Variants in ATP10B observed in about 807,000 individuals in gnomAD.
The protein encoded by ATP10B is phospholipid-transporting ATPase VB.
In ATP10B, 122 loss-of-function variants were observed where a neutral mutation model predicts 141.2. That is an observed-to-expected ratio of 0.86 (90% CI 0.75 to 1.00). ATP10B has a LOEUF of 1.00. Among genes scored for constraint, ATP10B ranks in the 50% least tolerant of loss-of-function variants. ATP10B has a pLI of 0.00. For missense variants in ATP10B, 1,876 were observed against 1,825.3 expected, an observed-to-expected ratio of 1.03 and a Z score of -0.51; for synonymous variants, 685 against 692.0, an observed-to-expected ratio of 0.99 and a Z score of 0.16.
chr5:160,649,181 TA>T lies in ATP10B; in HGVS notation c.750del (p.Phe250LeufsTer48). 6.2e-7 allele frequency: 1 copy of T among 1,612,910 alleles called. No individual in the cohort carries two copies. Among genetic ancestry groups the T allele is most frequent in the African/African-American group, 1.3e-5 (1 of 74,990 alleles). On this transcript the variant is annotated frameshift_variant, in exon 8 of 26. Coordinates refer to ENST00000327245, the MANE Select transcript of ATP10B (RefSeq NM_025153.3). LOFTEE classifies it high-confidence loss of function. ...ACATGAGATACTTACATATAACCCTTAAATTTGTTGAGGTGGTTGTTGGGTT... is the reference window on the plus strand; with the variant it reads ...ACATGAGATACTTACATATAACCCTTAATTTGTTGAGGTGGTTGTTGGGTT... ...CEKPNNHLNK[F>X]KGYMEHPDQT... is the part of the protein sequence containing the mutation.
chr5:160,684,823 T>A (rs1561750407), intron 6 of ATP10B: 1 of 674,750 alleles, frequency 1.5e-6, no homozygotes, highest in Non-Finnish European at 2.7e-6. Flanking sequence ...TCCCCAGAGT[T>A]TTTTGCTTTA....
chr5:160,881,433 C>A, the ATP10B span, among the ~76,000 whole-genome samples: 1 of 152,162 alleles, frequency 6.6e-6, no homozygotes, highest in Non-Finnish European at 1.5e-5. Flanking sequence ...AACAATTGTG[C>A]TTCTTGGTAT....
At position 160,620,571 on chromosome 5, in the gene ATP10B, G is replaced by T. The variant is rs1758270948; in HGVS notation, c.2192C>A (p.Ala731Asp). Residue 731 changes from alanine (A) to aspartate (D), a missense_variant, in exon 15 of 26, where the codon GCC becomes GAC. Ala to Asp is a moderately radical substitution (Grantham distance 126, BLOSUM62 -2). Coordinates refer to ENST00000327245, the MANE Select transcript of ATP10B (RefSeq NM_025153.3). The part of the protein sequence containing the change: ...SPDEAALVHA[A>D]HAYSFTLVSR... ...CACTAGTGTGAAGCTGTAGGCATGG[G>T]CAGCGTGCACCAGGGCGGCCTCATC... is the stretch of plus-strand genomic sequence containing the variant. 2 of 1,613,814 alleles carry T rather than the reference G, an allele frequency of 1.2e-6. No individual in the cohort carries two copies. Among genetic ancestry groups the T allele is most frequent in the South Asian group, 2.2e-5 (2 of 91,084 alleles).
intron 1 of ATP10B, among the ~76,000 whole-genome samples, chr5:160,822,737 T>C (rs999508816): frequency 6.6e-6 from 1 of 151,824 alleles, no homozygotes; most frequent in African/African-American, 2.4e-5. Context: ...AAAGTCCTTA[T>C]GTTAAGTGAA....
the ATP10B span, among the ~76,000 whole-genome samples, chr5:160,867,802 TG>T: frequency 6.6e-6 from 1 of 152,126 alleles, no homozygotes; most frequent in Non-Finnish European, 1.5e-5. Flanking sequence ...AATCATTGAT[TG>T]GAAACTGTTA....
chr5:160,737,934 T>G (rs1767231716), intron 2 of ATP10B, among the ~76,000 whole-genome samples: 1 of 152,116 alleles, frequency 6.6e-6, no homozygotes, highest in Non-Finnish European at 1.5e-5. Context: ...TGTAGAAGAT[T>G]TGAACGTTAC....
chr5:160,829,311 C>G (rs1024362827), intron 1 of ATP10B, among the ~76,000 whole-genome samples: 1 of 152,014 alleles, frequency 6.6e-6, no homozygotes, highest in East Asian at 1.9e-4. Flanking sequence ...TTTGATGGAG[C>G]TACATGTCTG....
intron 3 of ATP10B, among the ~76,000 whole-genome samples, chr5:160,694,842 A>G (rs1764272711): frequency 6.6e-6 from 1 of 152,242 alleles, no homozygotes; most frequent in South Asian, 2.1e-4. Flanking sequence ...GTTTAGAAAT[A>G]AATATATATT....
chr5:160,819,336 C>T (rs1250629342), intron 1 of ATP10B, among the ~76,000 whole-genome samples: 1 of 152,044 alleles, frequency 6.6e-6, no homozygotes, highest in Non-Finnish European at 1.5e-5. Flanking sequence ...CAAAAATATT[C>T]TTCAAGCATG....
Position 160,725,578 on chromosome 5 carries a change from TG to T in ATP10B, c.-330-8545del. ...CTCCTGCCTCAGCCTCGCAAGTAGC[TG>T]GGACTACAGGCGCCCGCCATCACAC... is the stretch of plus-strand genomic sequence containing the variant. On this transcript the variant is annotated intron_variant, in intron 2 of 25. Coordinates refer to ENST00000327245, the MANE Select transcript of ATP10B (RefSeq NM_025153.3). Among the ~76,000 whole-genome samples the T allele has an allele frequency of 2.0e-5, 3 of 152,246 alleles. No individual in the cohort carries two copies. In the Middle Eastern group the frequency reaches 0.01, roughly 518 times the overall value.
rs1443344832 is a variant in ATP10B at position 160,684,840 on chromosome 5, G to A, written c.470+1239C>T. ...CCCAGAGTTTTTTGCTTTACCTGCT[G>A]TAGATGAGGCACTCTCGGTTATTGA... On this transcript the variant is annotated intron_variant, in intron 6 of 25. Coordinates refer to ENST00000327245, the MANE Select transcript of ATP10B (RefSeq NM_025153.3). 3 of 693,986 alleles carry A rather than the reference G, an allele frequency of 4.3e-6. No individual in the cohort carries two copies. In the South Asian group the frequency reaches 4.6e-5, roughly 11 times the overall value. 43.0% of individuals were successfully genotyped at this position (693,986 alleles called of 1,614,324 possible).
chr5:160,800,991 A>T (rs1320727086), intron 1 of ATP10B, among the ~76,000 whole-genome samples: 1 of 152,092 alleles, frequency 6.6e-6, no homozygotes, highest in Non-Finnish European at 1.5e-5. Flanking sequence ...GGTCCCTTTG[A>T]CATGCTGTAG....
At chr5:160,626,800 G>T (rs192317098) in intron 13 of ATP10B, among the ~76,000 whole-genome samples, 1 of 152,122 alleles carries the variant, frequency 6.6e-6, no homozygotes, top group Non-Finnish European at 1.5e-5. Context: ...TTCCTTTCTG[G>T]CTGGGATGTG....
At chr5:160,831,536 G>T (rs927299611) in intron 1 of ATP10B, among the ~76,000 whole-genome samples, 1 of 152,040 alleles carries the variant, frequency 6.6e-6, no homozygotes, top group African/African-American at 2.4e-5. Flanking sequence ...GTTCAATAGT[G>T]TTCAGGCACT....
chr5:160,868,521 TACACACACACACACACACAC>T, the ATP10B span, among the ~76,000 whole-genome samples: 24 of 130,404 alleles, frequency 1.8e-4, no homozygotes, highest in East Asian at 9.4e-4. Context: ...TATGAACAGA[TACACACACACACACACACAC>T]ACACACACAC....
At chr5:160,636,815 TCCA>T (rs1222776992) in intron 10 of ATP10B, among the ~76,000 whole-genome samples, 11 of 151,976 alleles carry the variant, frequency 7.2e-5, no homozygotes, top group Admixed American at 6.5e-4. Flanking sequence ...CACCCGTCCA[TCCA>T]CCCATCCATC....
the ATP10B span, among the ~76,000 whole-genome samples, chr5:160,884,745 TAAA>T: frequency 6.6e-6 from 1 of 152,082 alleles, no homozygotes; most frequent in Non-Finnish European, 1.5e-5. Flanking sequence ...TAAAGAAAAG[TAAA>T]AAATAAATAG....
intron 1 of ATP10B, among the ~76,000 whole-genome samples, chr5:160,822,714 A>G (rs1033222293): frequency 4.6e-5 from 7 of 151,972 alleles, no homozygotes; most frequent in Non-Finnish European, 1.0e-4. Context: ...TTGCACCAAC[A>G]TAGATGAAAC....
chr5:160,653,395 A>ATATAT (rs1427264729), intron 7 of ATP10B, among the ~76,000 whole-genome samples: 1 of 41,602 alleles, frequency 2.4e-5, no homozygotes, highest in Non-Finnish European at 5.5e-5. Flanking sequence ...GTATATATAC[A>ATATAT]TACGTACATA....
Sources: allele counts gnomAD v4.1 joint callset (sites outside exome capture counted in the v4.1 genomes callset), GRCh38; gene constraint gnomAD v4.1.1; transcripts MANE v1.5; gene names NCBI Gene and HGNC (gene_info 2026-07-23, HGNC 2026-07-21).